Variants in LRCH1 observed in about 807,000 individuals in gnomAD.
The protein encoded by LRCH1 is leucine rich repeats and calponin homology domain containing 1.
A neutral mutation model predicts 94.9 loss-of-function variants in LRCH1; 23 were observed. The ratio of observed to expected loss-of-function variants is 0.24; its 90% CI spans 0.17 to 0.34. The LOEUF is 0.34. LRCH1 is among the 10% of genes least tolerant of loss of function. The pLI, the probability that LRCH1 is intolerant of heterozygous loss-of-function variation, is 1.00. For synonymous variants in LRCH1, 364 were observed against 354.9 expected, an observed-to-expected ratio of 1.03 and a Z score of -0.29; for missense variants, 790 against 945.9, an observed-to-expected ratio of 0.84 and a Z score of 2.16.
At chr13:46,708,420 C>T (rs1333889402) in intron 13 of LRCH1, among the ~76,000 whole-genome samples, 2 of 151,886 alleles carry the variant, frequency 1.3e-5, no homozygotes, top group Non-Finnish European at 2.9e-5. Context: ...TACAGGTGCC[C>T]GCTACCATGC....
At chr13:46,692,415 G>A in intron 7 of LRCH1, 121 bp from the exon 8 acceptor site, 2 of 683,104 alleles carry the variant, frequency 2.9e-6, no homozygotes, top group East Asian at 2.8e-5. Flanking sequence ...TTTGTATCTG[G>A]CAACTTATAT....
At chr13:46,558,797 G>A (rs971287821) in intron 1 of LRCH1, among the ~76,000 whole-genome samples, 7 of 152,036 alleles carry the variant, frequency 4.6e-5, no homozygotes, top group African/African-American at 1.7e-4. Flanking sequence ...AACAGAGAGG[G>A]CATTTAAGCC....
chr13:46,750,559 A>G, exon 19 of LRCH1: 1 of 1,551,484 alleles, frequency 6.4e-7, no homozygotes, highest in Non-Finnish European at 8.7e-7. Flanking sequence ...TGTCTCCCCC[A>G]CCACATCCTT....
At chr13:46,638,000 T>G (rs929429978) in intron 1 of LRCH1, among the ~76,000 whole-genome samples, 2 of 152,224 alleles carry the variant, frequency 1.3e-5, no homozygotes, top group Non-Finnish European at 2.9e-5. Flanking sequence ...TCATTTGAAA[T>G]TTCAAGTTCT....
chr13:46,695,142 G>T, intron 9 of LRCH1, 125 bp downstream of exon 9: 1 of 1,146,562 alleles, frequency 8.7e-7, no homozygotes, highest in South Asian at 1.5e-5. Flanking sequence ...TCCCTGAAGC[G>T]TTCCAAACAT....
At chr13:46,692,751 A>G (rs894454953) in intron 8 of LRCH1, 110 bp downstream of exon 8, 30 of 763,716 alleles carry the variant, frequency 3.9e-5, no homozygotes, top group Middle Eastern at 4.6e-4. Flanking sequence ...AGTATGTCCT[A>G]TGTACCAGGT....
intron 3 of LRCH1, among the ~76,000 whole-genome samples, chr13:46,677,255 C>CAAAAAAAAAA (rs67827727): frequency 1.6e-3 from 152 of 97,940 alleles, no homozygotes; most frequent in South Asian, 2.0e-3. Context: ...ACTAAAAATA[C>CAAAAAAAAAA]AAAAAAAAAA....
At chr13:46,733,064 G>A (rs192747165) in intron 18 of LRCH1, among the ~76,000 whole-genome samples, 73 of 152,198 alleles carry the variant, frequency 4.8e-4, no homozygotes, top group African/African-American at 1.6e-3. Context: ...AATGAATTCC[G>A]TCATTCTCAC....
chr13:46,669,807 G>A (rs1299099468), intron 3 of LRCH1, among the ~76,000 whole-genome samples: 2 of 151,944 alleles, frequency 1.3e-5, no homozygotes, highest in Non-Finnish European at 2.9e-5. Flanking sequence ...TAACATAGGT[G>A]AAGGAAGAAG....
At position 46,563,639 on chromosome 13, in the gene LRCH1, G is replaced by A. The variant is rs1294238964; in HGVS notation, c.307+9936G>A. Reference sequence around the variant, plus strand: ...ATGCAAATATATGTATTAAATGTATGTAATAGATGTTTCACCTCATTTAAT... The same window carrying A: ...ATGCAAATATATGTATTAAATGTATATAATAGATGTTTCACCTCATTTAAT... On this transcript the variant is annotated intron_variant, in intron 1 of 19. Coordinates refer to ENST00000389797, the MANE Select transcript of LRCH1 (RefSeq NM_001164211.2). Among the ~76,000 whole-genome samples, 5 of 152,326 alleles carry A rather than the reference G, an allele frequency of 3.3e-5. No homozygotes were observed. In the East Asian group the frequency reaches 5.8e-4, roughly 18 times the overall value.
At chr13:46,749,538 G>A (rs1236640524), downstream of LRCH1, among the ~76,000 whole-genome samples, 1 of 152,098 alleles carries the variant, frequency 6.6e-6, no homozygotes, top group African/African-American at 2.4e-5. Flanking sequence ...ATGATAATTA[G>A]CTTGACTTAG....
At chr13:46,564,494 G>T (rs9562669) in intron 1 of LRCH1, among the ~76,000 whole-genome samples, 53,364 of 151,728 alleles carry the variant, frequency 0.35, 11,590 homozygotes, top group East Asian at 0.5. Context: ...GGCCATTCCG[G>T]CCAGGGGTCG....
chr13:46,669,047 C>A lies in LRCH1; in HGVS notation c.470C>A (p.Ala157Asp). The change falls in exon 3 of 20, where the codon GCC becomes GAC. Residue 157 changes from alanine (A) to aspartate (D), a missense_variant. This residue lies in a region of LRCH1 where 194 missense variants were observed against 293.5 expected (regional missense o/e 0.66). Transcript: ENST00000389797. The part of the protein sequence containing the change: ...YLNLSRNQLS[A>D]LPACLCGLPL... Reference sequence around the variant, plus strand: ...CTTTGCAGTCGAAATCAGCTGTCCGCCCTGCCTGCCTGCCTGTGTGGTCTG... The same window carrying A: ...CTTTGCAGTCGAAATCAGCTGTCCGACCTGCCTGCCTGCCTGTGTGGTCTG... 2 of 1,613,160 alleles carry A rather than the reference C, an allele frequency of 1.2e-6. No homozygotes were observed. Among genetic ancestry groups the A allele is most frequent in the Non-Finnish European group, 1.7e-6 (2 of 1,179,380 alleles).
chr13:46,682,087 C>T lies in LRCH1; in HGVS notation c.685+241C>T, dbSNP rs368315076. On this transcript the variant is annotated intron_variant, in intron 4 of 19. Coordinates refer to ENST00000389797, the MANE Select transcript of LRCH1 (RefSeq NM_001164211.2). ...TTCCCCTAGGTAATGCTGTGGGGCACGGGGGTGGACGTGGGTGTGTTAGTT... is the reference window on the plus strand; with the variant it reads ...TTCCCCTAGGTAATGCTGTGGGGCATGGGGGTGGACGTGGGTGTGTTAGTT... Among the ~76,000 whole-genome samples the T allele has an allele frequency of 1.4e-4, 21 of 152,152 alleles. No individual in the cohort carries two copies. The South Asian group carries it at 1.9e-3, about 14-fold the overall frequency.
chr13:46,673,086 C>A lies in LRCH1; in HGVS notation c.579+3930C>A, dbSNP rs976671275. On this transcript the variant is annotated intron_variant, in intron 3 of 19. Coordinates refer to ENST00000389797, the MANE Select transcript of LRCH1 (RefSeq NM_001164211.2). The stretch of plus-strand genomic sequence containing the variant: ...TGAAATAGCCAAAACGTTATTACTT[C>A]GTCACCTGTATAATATAAAAAATAT... Among the ~76,000 whole-genome samples the A allele has an allele frequency of 2.0e-5, 3 of 152,210 alleles. No homozygotes were observed. The East Asian group carries it at 5.8e-4, about 29-fold the overall frequency.
At chr13:46,620,490 T>C (rs111633199) in intron 1 of LRCH1, among the ~76,000 whole-genome samples, 67 of 152,150 alleles carry the variant, frequency 4.4e-4, no homozygotes, top group African/African-American at 1.5e-3. Context: ...AAGTATAGAG[T>C]AAAATGAAAG....
At chr13:46,739,338 G>T (rs532547862) in intron 19 of LRCH1, among the ~76,000 whole-genome samples, 4 of 152,144 alleles carry the variant, frequency 2.6e-5, no homozygotes, top group Admixed American at 2.0e-4. Context: ...TTGCCTCTGG[G>T]GACTCTTAGT....
intron 19 of LRCH1, among the ~76,000 whole-genome samples, chr13:46,739,335 TG>T (rs1259007485): frequency 2.6e-5 from 4 of 152,226 alleles, no homozygotes; most frequent in African/African-American, 9.6e-5. Context: ...CACTTGCCTC[TG>T]GGGACTCTTA....
downstream of LRCH1, among the ~76,000 whole-genome samples, chr13:46,746,376 C>CT (rs1203578901): frequency 6.6e-6 from 1 of 152,140 alleles, no homozygotes; most frequent in Non-Finnish European, 1.5e-5. Context: ...ATGTCGTTTG[C>CT]TGTGGCTCAG....
Sources: gnomAD v4.1 joint callset for allele counts (sites outside exome capture counted in the v4.1 genomes callset) on GRCh38, gnomAD v4.1.1 for gene constraint, gnomAD v4.1.1 regional missense constraint, MANE v1.5 for transcripts, NCBI Gene and HGNC (gene_info 2026-07-23, HGNC 2026-07-21) for gene names.